The following RNF182 variants were observed in gnomAD, a reference collection of about 807,000 sequenced individuals.
The protein encoded by RNF182 is ring finger protein 182.
RNF182 carries 15 observed loss-of-function variants against 14.4 expected under a neutral mutation model. The observed-to-expected ratio is 1.04, with a 90% CI of 0.70 to 1.60. RNF182 has a LOEUF of 1.60. RNF182 is among the 40% of genes most tolerant of loss of function. The pLI is 0.00. For synonymous variants in RNF182, 128 were observed against 122.9 expected (o/e 1.04, Z -0.27); for missense variants, 268 against 294.8 (o/e 0.91, Z 0.67).
intron 1 of RNF182, among the ~76,000 whole-genome samples, chr6:13,959,849 C>T (rs1269177343): frequency 6.6e-6 from 1 of 151,974 alleles, no homozygotes; most frequent in Non-Finnish European, 1.5e-5. Flanking sequence ...TACTGTAAGC[C>T]CTCTGGAACT....
At chr6:13,947,503 T>C (rs1759469728) in intron 1 of RNF182, among the ~76,000 whole-genome samples, 1 of 152,254 alleles carries the variant, frequency 6.6e-6, no homozygotes, top group African/African-American at 2.4e-5. Context: ...ATTTGCCATA[T>C]AGGCTCTTTT....
chr6:13,959,737 G>T (rs1306466505), intron 1 of RNF182, among the ~76,000 whole-genome samples: 1 of 152,186 alleles, frequency 6.6e-6, no homozygotes, highest in Non-Finnish European at 1.5e-5. Flanking sequence ...TTATTAAAAT[G>T]GGGAAAACTG....
chr6:13,945,217 AT>A (rs1759408850), intron 1 of RNF182, among the ~76,000 whole-genome samples: 2 of 152,178 alleles, frequency 1.3e-5, no homozygotes, highest in Non-Finnish European at 2.9e-5. Context: ...AGTTTAAGTG[AT>A]TTACTCAAGA....
chr6:13,938,027 T>TTG (rs1759182323), intron 1 of RNF182, among the ~76,000 whole-genome samples: 3 of 147,218 alleles, frequency 2.0e-5, no homozygotes, highest in East Asian at 2.0e-4. Flanking sequence ...TTTTTTTTTT[T>TTG]GAGACAGAGT....
intron 2 of RNF182, among the ~76,000 whole-genome samples, chr6:13,975,231 A>T (rs1435336210): frequency 6.6e-6 from 1 of 152,162 alleles, no homozygotes; most frequent in Non-Finnish European, 1.5e-5. Flanking sequence ...ATCCCACAGG[A>T]GGAAAAAAAA....
chr6:13,930,770 T>G (rs1758947648), intron 1 of RNF182, among the ~76,000 whole-genome samples: 2 of 152,198 alleles, frequency 1.3e-5, no homozygotes, highest in African/African-American at 4.8e-5. Context: ...GGTACGCTAT[T>G]AAGTATTCCA....
chr6:13,935,960 G>A (rs1759098937), intron 1 of RNF182, among the ~76,000 whole-genome samples: 1 of 152,224 alleles, frequency 6.6e-6, no homozygotes, highest in South Asian at 2.1e-4. Flanking sequence ...TGTACAGGAA[G>A]CATGGTTGGG....
At chr6:13,970,635 C>A (rs757000817) in intron 1 of RNF182, among the ~76,000 whole-genome samples, 1 of 152,038 alleles carries the variant, frequency 6.6e-6, no homozygotes, top group African/African-American at 2.4e-5. Context: ...TAAGGTATTT[C>A]TATTTTTAGT....
At chr6:13,966,832 G>GTA (rs71663271) in intron 1 of RNF182, among the ~76,000 whole-genome samples, 48,756 of 133,126 alleles carry the variant, frequency 0.37, 8,701 homozygotes, top group East Asian at 0.51. Context: ...GTGCGCGTGC[G>GTA]TGTGTGTGTG....
intron 1 of RNF182, among the ~76,000 whole-genome samples, chr6:13,937,296 C>T (rs1759136693): frequency 6.6e-6 from 1 of 152,164 alleles, no homozygotes; most frequent in African/African-American, 2.4e-5. Flanking sequence ...ACTATTACCC[C>T]CAAATCCTTC....
chr6:13,953,774 G>A (rs1366653877), intron 1 of RNF182, among the ~76,000 whole-genome samples: 2 of 152,188 alleles, frequency 1.3e-5, no homozygotes, highest in Non-Finnish European at 2.9e-5. Flanking sequence ...ATGCGACATT[G>A]ACCATCAAGC....
intron 1 of RNF182, among the ~76,000 whole-genome samples, chr6:13,952,102 G>C (rs769234601): frequency 2.0e-5 from 3 of 151,732 alleles, no homozygotes; most frequent in Non-Finnish European, 4.4e-5. Context: ...ATAGTAAAGA[G>C]ACAGGAGAGA....
intron 1 of RNF182, among the ~76,000 whole-genome samples, chr6:13,943,787 G>C (rs529235229): frequency 6.6e-6 from 1 of 152,166 alleles, no homozygotes; most frequent in Non-Finnish European, 1.5e-5. Flanking sequence ...AGACCTCAGT[G>C]TTACCGGAGC....
chr6:13,936,048 G>A (rs925099447), intron 1 of RNF182, among the ~76,000 whole-genome samples: 1 of 152,220 alleles, frequency 6.6e-6, no homozygotes, highest in Non-Finnish European at 1.5e-5. Context: ...GAGCAGGAAG[G>A]AGGAAGAGAG....
rs560904570 is a variant in RNF182 at position 13,949,479 on chromosome 6, G to T, written c.-367+24456G>T. 7.8e-5 allele frequency: 47 copies of T among 598,912 alleles called. 1 individual carries two copies. In the South Asian group the frequency reaches 9.5e-4, roughly 12 times the overall value. The allele number at this position is 598,912 out of a possible 1,614,324, so 37.1% of individuals were successfully genotyped here. On this transcript the variant is annotated intron_variant, in intron 1 of 2. Transcript: ENST00000488300. ...GGCCTTTGGTTGACGAGAAAGGCTG[G>T]TTATAAGAAAAAATTACGGAAAAAG...
At chr6:13,966,556 A>C (rs970745521) in intron 1 of RNF182, among the ~76,000 whole-genome samples, 1 of 152,104 alleles carries the variant, frequency 6.6e-6, no homozygotes, top group Admixed American at 6.5e-5. Context: ...TGAGTACAGG[A>C]GTTTGAGACC....
chr6:13,954,946 T>C (rs1192719744), intron 1 of RNF182, among the ~76,000 whole-genome samples: 1 of 152,194 alleles, frequency 6.6e-6, no homozygotes, highest in East Asian at 1.9e-4. Context: ...ACTGCTGCCT[T>C]GTCCCTCCCT....
intron 1 of RNF182, among the ~76,000 whole-genome samples, chr6:13,966,717 C>T (rs1257866324): frequency 6.6e-6 from 1 of 152,102 alleles, no homozygotes; most frequent in Non-Finnish European, 1.5e-5. Context: ...GAGCTGAGAT[C>T]ATGCCACTGC....
At chr6:13,947,386 AAAATAAATTTTAGTCT>A (rs1759465387) in intron 1 of RNF182, among the ~76,000 whole-genome samples, 1 of 152,214 alleles carries the variant, frequency 6.6e-6, no homozygotes, top group Non-Finnish European at 1.5e-5. Flanking sequence ...ATTTGTTGGC[AAAATAAATTTTAGTCT>A]TATTGTATGT....
Sources: allele counts gnomAD v4.1 joint callset (sites outside exome capture counted in the v4.1 genomes callset), GRCh38; gene constraint gnomAD v4.1.1; transcripts MANE v1.5; gene names NCBI Gene and HGNC (gene_info 2026-07-23, HGNC 2026-07-21).